Variants in NPAS4 observed in about 807,000 individuals in gnomAD.
The protein encoded by NPAS4 is neuronal PAS domain protein 4, also known as neuronal PAS domain-containing protein 4.
NPAS4 carries 10 observed loss-of-function variants against 64.0 expected under a neutral mutation model. That is an observed-to-expected ratio of 0.16 (90% CI 0.10 to 0.26). The LOEUF is 0.26. Among genes scored for constraint, NPAS4 ranks in the 10% least tolerant of loss-of-function variants. NPAS4 has a pLI of 1.00. For synonymous variants in NPAS4, 441 were observed against 411.7 expected (o/e 1.07, Z -0.86); for missense variants, 886 against 992.6 (o/e 0.89, Z 1.44).
chr11:66,424,936 C>T lies in NPAS4; in HGVS notation c.2046C>T (p.Leu682=), dbSNP rs1277024526. ...TGTCAGGGGCAGGCCCCCCTGTGCT[C>T]AGCCTGGACCTGAAACCCTGGAAAT... ...LSLSGAGPPV[L]SLDLKPWKCQ... The change falls in exon 7 of 8, where the codon CTC becomes CTT. Residue 682 remains leucine, a synonymous_variant. Transcript: ENST00000311034. 5 of 1,614,104 alleles carry T rather than the reference C, an allele frequency of 3.1e-6. No homozygotes were observed. Among genetic ancestry groups the T allele is most frequent in the Non-Finnish European group, 4.2e-6 (5 of 1,180,026 alleles).
the NPAS4 span, among the ~76,000 whole-genome samples, chr11:66,414,766 C>T: frequency 5.3e-5 from 8 of 152,124 alleles, no homozygotes; most frequent in African/African-American, 1.2e-4. Context: ...GCACTGACCG[C>T]GGAGCCATGG....
the NPAS4 span, among the ~76,000 whole-genome samples, chr11:66,415,813 A>G: frequency 6.6e-6 from 1 of 152,228 alleles, no homozygotes; most frequent in Non-Finnish European, 1.5e-5. Context: ...TTCACCATCT[A>G]TCAAATGAGC....
the NPAS4 span, among the ~76,000 whole-genome samples, chr11:66,414,041 T>G: frequency 6.6e-6 from 1 of 152,122 alleles, no homozygotes; most frequent in Non-Finnish European, 1.5e-5. Context: ...GCTGGGAACA[T>G]GAAGACCAGT....
Position 66,425,946 on chromosome 11 carries a change from T to G in NPAS4, c.2381-15T>G, listed in dbSNP as rs1461205354. 1.9e-6 allele frequency: 3 copies of G among 1,604,010 alleles called. No homozygotes were observed. On this transcript the variant is annotated splice_polypyrimidine_tract_variant and intron_variant, in intron 7 of 7. Coordinates refer to ENST00000311034, the MANE Select transcript of NPAS4 (RefSeq NM_178864.4). ...GGTCTAACTGATTGTGTTCTCTCTATCTATCTCTCTGCAGATGGAAGTGGA... is the reference window on the plus strand; with the variant it reads ...GGTCTAACTGATTGTGTTCTCTCTAGCTATCTCTCTGCAGATGGAAGTGGA...
chr11:66,421,252 G>A lies in NPAS4; in HGVS notation c.73G>A (p.Glu25Lys). 1 of 1,614,024 alleles carries A rather than the reference G, an allele frequency of 6.2e-7. No individual in the cohort carries two copies. Among genetic ancestry groups the A allele is most frequent in the Non-Finnish European group, 8.5e-7 (1 of 1,179,978 alleles). Residue 25 changes from glutamate to lysine, a missense_variant, in exon 1 of 8, where the codon GAG (glutamate) becomes AAG (lysine). Physicochemically the swap from Glu to Lys is moderately conservative, Grantham distance 56. Transcript: ENST00000311034. ...CAACGCCGAGATCCGGAACCTCAAG[G>A]AGCTGCTGCCGCTGGCCGAAGCGGA... ...QINAEIRNLK[E>K]LLPLAEADKV...
In NPAS4 at chr11:66,421,100, C is replaced by A; in HGVS notation, c.-80C>A. 1 of 1,258,010 alleles carries A rather than the reference C, an allele frequency of 7.9e-7. No individual in the cohort carries two copies. Among genetic ancestry groups the A allele is most frequent in the Non-Finnish European group, 1.1e-6 (1 of 899,272 alleles). 77.9% of individuals were successfully genotyped at this position (1,258,010 alleles called of 1,614,324 possible). ...AGCCTGAGCGAGAGACGGGGAAGCA[C>A]GGAGGAGGAAGCCGCCGGTGCGTCG... On this transcript the variant is annotated 5_prime_UTR_variant, in exon 1 of 8. Transcript: ENST00000311034.
Position 66,422,156 on chromosome 11 carries a change from C to T in NPAS4, c.212C>T (p.Ala71Val). The T allele has an allele frequency of 1.9e-6, 3 of 1,614,126 alleles. No homozygotes were observed. The highest frequency in any genetic ancestry group is 2.5e-6 in the Non-Finnish European group (3 of 1,180,014). ...GCGGGCCCCACGGGGCTTCTCTCAG[C>T]TCAAGAGCTTGAGGACATCGTAGCG... ...PLAGPTGLLSAQELEDIVAAL... is the reference protein window; with the variant it reads ...PLAGPTGLLSVQELEDIVAAL... Residue 71 changes from alanine (A) to valine (V), a missense_variant, in exon 2 of 8, where the codon GCT (alanine) becomes GTT (valine). By Grantham distance (64) the Ala-to-Val change is moderately conservative. Coordinates refer to ENST00000311034, the MANE Select transcript of NPAS4 (RefSeq NM_178864.4).
chr11:66,411,997 G>T, the NPAS4 span, among the ~76,000 whole-genome samples: 1 of 152,202 alleles, frequency 6.6e-6, no homozygotes, highest in African/African-American at 2.4e-5. Context: ...GGTGTGGGTA[G>T]GTGCCTCATC....
In NPAS4 at chr11:66,424,048, A is replaced by C. The variant is rs762349575; in HGVS notation, c.1158A>C (p.Ala386=). The part of the protein sequence containing the change: ...PSAPELSVVS[A]SEELPRPSKE... ...CTCCTGAACTGAGTGTTGTCTCTGCATCAGAAGAGCTTCCCCGACCCTCCA... is the reference window on the plus strand; with the variant it reads ...CTCCTGAACTGAGTGTTGTCTCTGCCTCAGAAGAGCTTCCCCGACCCTCCA... Residue 386 remains alanine (A), a synonymous_variant, in exon 7 of 8, where the codon GCA becomes GCC. Coordinates refer to ENST00000311034, the MANE Select transcript of NPAS4 (RefSeq NM_178864.4). 4 of 1,614,158 alleles carry C rather than the reference A, an allele frequency of 2.5e-6. No homozygotes were observed. Among genetic ancestry groups the C allele is most frequent in the African/African-American group, 1.3e-5 (1 of 75,030 alleles).
rs1446948292 is a variant in NPAS4, at chr11:66,423,863, C to G, written c.973C>G (p.Gln325Glu). Residue 325 changes from glutamine (Q) to glutamate (E), a missense_variant, in exon 7 of 8, where the codon CAG (glutamine) becomes GAG (glutamate). This residue lies in a region of NPAS4 where 820 missense variants were observed against 855.5 expected (regional missense o/e 0.96). Transcript: ENST00000311034. ...SDMEAWSLRQ[Q>E]LNSEDTQAAY... Reference sequence around the variant, plus strand: ...CATGGAAGCCTGGAGCCTCCGCCAGCAGTTGAACTCTGAAGACACCCAGGC... The same window carrying G: ...CATGGAAGCCTGGAGCCTCCGCCAGGAGTTGAACTCTGAAGACACCCAGGC... 6.2e-7 allele frequency: 1 copy of G among 1,611,494 alleles called. No homozygotes were observed. Among genetic ancestry groups the G allele is most frequent in the Admixed American group, 1.7e-5 (1 of 59,708 alleles).
the NPAS4 span, chr11:66,410,473 G>A: frequency 6.6e-6 from 1 of 152,374 alleles, no homozygotes; most frequent in Non-Finnish European, 1.5e-5. Context: ...CAGAGGGGGA[G>A]ACTCAGGCGG....
chr11:66,421,815 A>G (rs1856747541), intron 1 of NPAS4, among the ~76,000 whole-genome samples: 2 of 152,238 alleles, frequency 1.3e-5, no homozygotes, highest in African/African-American at 4.8e-5. Context: ...TTCTGAACCC[A>G]CAGTCGGCTT....
At chr11:66,415,976 G>T in the NPAS4 span, among the ~76,000 whole-genome samples, 1 of 152,120 alleles carries the variant, frequency 6.6e-6, no homozygotes, top group African/African-American at 2.4e-5. Context: ...AGTAGTTTAT[G>T]CCTGTAGTCC....
intron 5 of NPAS4, 94 bp from the exon 6 acceptor site, chr11:66,423,484 C>T (rs1169113078): frequency 1.6e-5 from 23 of 1,455,904 alleles, no homozygotes; most frequent in African/African-American, 1.4e-5. Flanking sequence ...GAGGATGTCA[C>T]GGCTATCTCA....
the NPAS4 span, chr11:66,409,213 G>A: frequency 2.8e-5 from 1 of 35,600 alleles, no homozygotes; most frequent in African/African-American, 1.1e-4. Flanking sequence ...CCCCGCCCCC[G>A]AGCCGCGAGC....
chr11:66,424,191 G>C lies in NPAS4; in HGVS notation c.1301G>C (p.Cys434Ser). 1 of 1,613,948 alleles carries C rather than the reference G, an allele frequency of 6.2e-7. No homozygotes were observed. Among genetic ancestry groups the C allele is most frequent in the Non-Finnish European group, 8.5e-7 (1 of 1,179,942 alleles). Residue 434 changes from cysteine (C) to serine (S), a missense_variant, in exon 7 of 8, where the codon TGT becomes TCT. This residue lies in a region of NPAS4 where 820 missense variants were observed against 855.5 expected (regional missense o/e 0.96). Coordinates refer to ENST00000311034, the MANE Select transcript of NPAS4 (RefSeq NM_178864.4). The part of the protein sequence containing the change: ...PPYTPHQPGG[C>S]AFLFSLHEPF... ...TACACGCCCCATCAGCCAGGAGGCT[G>C]TGCCTTCCTCTTCAGCCTCCATGAG...
In NPAS4 at chr11:66,424,651, G is replaced by T. The variant is rs373430880; in HGVS notation, c.1761G>T (p.Thr587=). The T allele has an allele frequency of 4.8e-4, 768 of 1,614,068 alleles. 2 individuals are homozygous for T. Among genetic ancestry groups the T allele is most frequent in the Non-Finnish European group, 6.3e-4 (744 of 1,179,934 alleles). ...GCAGCCCTGGTAATGGGGACTGCAC[G>T]CTCTTGGCCCTAGCCCAGCTCCGGG... ...SPSSPGNGDC[T]LLALAQLRGP... The change falls in exon 7 of 8, where the codon ACG becomes ACT. Residue 587 remains threonine (T), a synonymous_variant. Transcript: ENST00000311034.
In NPAS4 at chr11:66,423,179, G is replaced by C; in HGVS notation, c.755G>C (p.Gly252Ala). ...RSELLCKSWYGLLHPEDLAHA... is the reference protein window; with the variant it reads ...RSELLCKSWYALLHPEDLAHA... ...GAACTGCTTTGTAAATCATGGTATG[G>C]ACTGCTGCACCCCGAGGACCTGGCC... The change falls in exon 5 of 8, where the codon GGA becomes GCA. Residue 252 changes from glycine to alanine, a missense_variant. This residue lies in a region of NPAS4 where 820 missense variants were observed against 855.5 expected (regional missense o/e 0.96). Transcript: ENST00000311034. The C allele has an allele frequency of 6.2e-7, 1 of 1,611,838 alleles. No homozygotes were observed. The highest frequency in any genetic ancestry group is 8.5e-7 in the Non-Finnish European group (1 of 1,178,878).
chr11:66,414,632 A>G, the NPAS4 span, among the ~76,000 whole-genome samples: 1 of 152,214 alleles, frequency 6.6e-6, no homozygotes, highest in South Asian at 2.1e-4. Flanking sequence ...ATGTGCAAGT[A>G]GAATTGAGGG....
Sources: gnomAD v4.1 joint callset for allele counts (sites outside exome capture counted in the v4.1 genomes callset) on GRCh38, gnomAD v4.1.1 for gene constraint, gnomAD v4.1.1 regional missense constraint, MANE v1.5 for transcripts, NCBI Gene and HGNC (gene_info 2026-07-23, HGNC 2026-07-21) for gene names.